Variants in KIAA1549L observed in about 807,000 individuals in gnomAD.
The protein encoded by KIAA1549L is KIAA1549 like, also known as UPF0606 protein KIAA1549L.
KIAA1549L carries 88 observed loss-of-function variants against 160.7 expected under a neutral mutation model. The ratio of observed to expected loss-of-function variants is 0.55; its 90% confidence interval spans 0.46 to 0.65. The LOEUF (loss-of-function observed/expected upper bound fraction) is 0.65. KIAA1549L is among the 30% of genes least tolerant of loss of function. KIAA1549L has a pLI of 0.00. For synonymous variants in KIAA1549L, 950 were observed against 976.7 expected, an observed-to-expected ratio of 0.97 and a Z score of 0.51; for missense variants, 2,258 against 2,437.5, an observed-to-expected ratio of 0.93 and a Z score of 1.55.
At chr11:33,520,687 ACACACACAC>A in intron 1 of KIAA1549L, among the ~76,000 whole-genome samples, 2 of 28,088 alleles carry the variant, frequency 7.1e-5, no homozygotes, top group African/African-American at 5.1e-4. Context: ...CACCCCCAAC[ACACACACAC>A]ACACACACAC....
At chr11:33,438,545 T>G (rs941366292) in intron 1 of KIAA1549L, among the ~76,000 whole-genome samples, 3 of 152,222 alleles carry the variant, frequency 2.0e-5, no homozygotes, top group African/African-American at 7.2e-5. Context: ...GGGCCAGTGG[T>G]CATGCTGGCC....
chr11:33,556,623 C>T (rs147982111), intron 6 of KIAA1549L, among the ~76,000 whole-genome samples: 78 of 152,264 alleles, frequency 5.1e-4, no homozygotes, highest in African/African-American at 1.8e-3. Context: ...TATATGATTT[C>T]TCTTATAAAA....
intron 1 of KIAA1549L, among the ~76,000 whole-genome samples, chr11:33,462,327 T>C (rs1851957699): frequency 6.6e-6 from 1 of 152,202 alleles, no homozygotes; most frequent in Admixed American, 6.5e-5. Flanking sequence ...CCATGGAAAA[T>C]GGTCTTCATT....
chr11:33,569,398 C>T (rs1855164633), intron 9 of KIAA1549L, among the ~76,000 whole-genome samples: 1 of 152,196 alleles, frequency 6.6e-6, no homozygotes, highest in African/African-American at 2.4e-5. Flanking sequence ...GACTTCCTAC[C>T]TGGAATTGAG....
chr11:33,453,837 A>G (rs1851768981), intron 1 of KIAA1549L, among the ~76,000 whole-genome samples: 1 of 152,236 alleles, frequency 6.6e-6, no homozygotes, highest in Non-Finnish European at 1.5e-5. Flanking sequence ...CTCTGTGAAC[A>G]TAAACCCCAA....
intron 3 of KIAA1549L, among the ~76,000 whole-genome samples, chr11:33,545,601 C>G (rs889832067): frequency 6.6e-6 from 1 of 152,106 alleles, no homozygotes; most frequent in Non-Finnish European, 1.5e-5. Context: ...CAACATCTTA[C>G]AATGCACAGA....
intron 1 of KIAA1549L, among the ~76,000 whole-genome samples, chr11:33,447,118 G>C (rs940486982): frequency 6.6e-6 from 1 of 152,194 alleles, no homozygotes; most frequent in Non-Finnish European, 1.5e-5. Flanking sequence ...TGAAGCTTGA[G>C]GTCAGTCTTA....
Position 33,629,805 on chromosome 11 carries a change from G to A in KIAA1549L, c.5409+11143G>A, listed in dbSNP as rs1437689938. On this transcript the variant is annotated intron_variant, in intron 16 of 20. Coordinates refer to ENST00000658780, the MANE Select transcript of KIAA1549L (RefSeq NM_012194.3). ...TCTCAGCTCGTCAAAGTCATTCTCC[G>A]TCCAGCTTTGTTCCGTTGCTGGTGA... Among the ~76,000 whole-genome samples, 360 of 149,326 alleles carry A rather than the reference G, an allele frequency of 2.4e-3. 1 individual carries two copies. Among genetic ancestry groups the A allele is most frequent in the East Asian group, 3.7e-3 (19 of 5,170 alleles).
chr11:33,629,120 C>G (rs1305362032), intron 16 of KIAA1549L, among the ~76,000 whole-genome samples: 1 of 152,052 alleles, frequency 6.6e-6, no homozygotes, highest in Non-Finnish European at 1.5e-5. Flanking sequence ...GGCCCCCACT[C>G]TCTTCTGGCT....
intron 1 of KIAA1549L, among the ~76,000 whole-genome samples, chr11:33,493,238 C>T (rs996285612): frequency 2.0e-5 from 3 of 152,114 alleles, no homozygotes; most frequent in South Asian, 2.1e-4. Context: ...CTCCAACCCT[C>T]ATGAATGGAT....
At chr11:33,447,535 T>TATCC (rs1851638096) in intron 1 of KIAA1549L, among the ~76,000 whole-genome samples, 1 of 111,696 alleles carries the variant, frequency 9.0e-6, no homozygotes, top group Admixed American at 1.3e-4. Context: ...CTCACCCATC[T>TATCC]ATCCACCCAT....
At chr11:33,592,213 AT>A (rs1292131212) in intron 12 of KIAA1549L, among the ~76,000 whole-genome samples, 1 of 152,226 alleles carries the variant, frequency 6.6e-6, no homozygotes, top group Non-Finnish European at 1.5e-5. Flanking sequence ...ATAAATTAAA[AT>A]TTTGGAAAGT....
intron 1 of KIAA1549L, among the ~76,000 whole-genome samples, chr11:33,473,149 G>C (rs1414425782): frequency 1.3e-5 from 2 of 152,202 alleles, no homozygotes; most frequent in East Asian, 3.8e-4. Flanking sequence ...TCTGATGCTT[G>C]TTCATGTTAA....
intron 16 of KIAA1549L, among the ~76,000 whole-genome samples, chr11:33,630,945 A>G (rs143352347): frequency 0.022 from 3,313 of 152,308 alleles, 133 homozygotes; most frequent in African/African-American, 0.073. Flanking sequence ...GGAAAGATGT[A>G]TTAATTTTCG....
chr11:33,546,967 A>G (rs1003736645), intron 3 of KIAA1549L, among the ~76,000 whole-genome samples: 1 of 152,268 alleles, frequency 6.6e-6, no homozygotes, highest in Admixed American at 6.5e-5. Context: ...CTCTCTCAAA[A>G]TATCTTATTG....
At chr11:33,416,047 A>C (rs779332799) in intron 1 of KIAA1549L, among the ~76,000 whole-genome samples, 2 of 152,068 alleles carry the variant, frequency 1.3e-5, no homozygotes, top group African/African-American at 4.8e-5. Context: ...AAACTAATCA[A>C]CCAACCAACC....
chr11:33,425,978 G>T (rs1851107513), intron 1 of KIAA1549L, among the ~76,000 whole-genome samples: 1 of 152,188 alleles, frequency 6.6e-6, no homozygotes, highest in Admixed American at 6.5e-5. Context: ...AGATGGCAAG[G>T]TCATGAAAGA....
In KIAA1549L at chr11:33,501,682, T is replaced by G. The variant is rs541927588; in HGVS notation, c.239-40120T>G. Among the ~76,000 whole-genome samples the G allele has an allele frequency of 9.8e-4, 150 of 152,310 alleles. 1 individual carries two copies. The highest frequency in any genetic ancestry group is 2.4e-3 in the Admixed American group (37 of 15,298). On this transcript the variant is annotated intron_variant, in intron 1 of 20. Transcript: ENST00000658780. ...ATTATCTTTTTTTCTGAGAATTGTA[T>G]ATGTGGAGAATAGTGTAGATGGTTA...
rs968359222 is a variant in KIAA1549L, at chr11:33,672,594, A to G, written c.*4440A>G. On this transcript the variant is annotated 3_prime_UTR_variant, in exon 21 of 21. Transcript: ENST00000658780. ...ACTGGAACTGACTAGTACTCCTGGG[A>G]TGCCATGCCACGCAGCAGCCAGCAC... 9 of 153,920 alleles carry G rather than the reference A, an allele frequency of 5.8e-5. No homozygotes were observed. Among genetic ancestry groups the G allele is most frequent in the African/African-American group, 1.9e-4 (8 of 41,460 alleles). The allele number at this position is 153,920 out of a possible 1,614,324, so 9.5% of individuals were successfully genotyped here.
Sources: gnomAD v4.1 joint callset for allele counts (sites outside exome capture counted in the v4.1 genomes callset) on GRCh38, gnomAD v4.1.1 for gene constraint, MANE v1.5 for transcripts, NCBI Gene and HGNC (gene_info 2026-07-23, HGNC 2026-07-21) for gene names.